ABL1: variants seen among roughly 807,000 people sequenced by gnomAD.
ABL1 encodes the protein tyrosine-protein kinase ABL1.
ABL1 carries 11 observed loss-of-function variants against 94.7 expected under a neutral mutation model. The ratio of observed to expected loss-of-function variants is 0.12; its 90% CI spans 0.07 to 0.19. ABL1 has a LOEUF of 0.19. ABL1 is among the 10% of genes least tolerant of loss of function. The pLI is 1.00. For synonymous variants in ABL1, 656 were observed against 622.4 expected, an observed-to-expected ratio of 1.05 and a Z score of -0.80; for missense variants, 1,082 against 1,489.4, an observed-to-expected ratio of 0.73 and a Z score of 4.50.
At chr9:130,811,386 T>C (rs1781252519) in intron 1 of ABL1, among the ~76,000 whole-genome samples, 1 of 152,230 alleles carries the variant, frequency 6.6e-6, no homozygotes, top group Non-Finnish European at 1.5e-5. Context: ...ATATTTTTTC[T>C]TTTTGTTTCA....
chr9:130,834,025 T>A (rs1197904112), upstream of ABL1: 1 of 456,104 alleles, frequency 2.2e-6, no homozygotes, highest in Non-Finnish European at 4.4e-6. Flanking sequence ...GCCTGATCCT[T>A]GGAGCCAGGC....
intron 1 of ABL1, among the ~76,000 whole-genome samples, chr9:130,845,639 C>T (rs993877970): frequency 2.6e-5 from 4 of 152,058 alleles, no homozygotes; most frequent in African/African-American, 7.2e-5. Context: ...GATCATTGTT[C>T]GCACCACTAC....
intron 1 of ABL1, among the ~76,000 whole-genome samples, chr9:130,722,828 A>G (rs1294780483): frequency 6.6e-6 from 1 of 152,244 alleles, no homozygotes; most frequent in African/African-American, 2.4e-5. Context: ...AGATGATTTG[A>G]CCAAAAGAGT....
At chr9:130,879,895 T>G (rs11793797) in intron 8 of ABL1, among the ~76,000 whole-genome samples, 173 bp from the exon 9 acceptor site, 14,927 of 152,290 alleles carry the variant, frequency 0.098, 983 homozygotes, top group African/African-American at 0.18. Flanking sequence ...CTTTTCAAAT[T>G]CTTAATGTCT....
chr9:130,871,060 C>T (rs112899134), intron 4 of ABL1, among the ~76,000 whole-genome samples: 3 of 152,130 alleles, frequency 2.0e-5, no homozygotes, highest in South Asian at 2.1e-4. Flanking sequence ...CTTTGGGGAG[C>T]CTAATTTTTA....
intron 1 of ABL1, among the ~76,000 whole-genome samples, chr9:130,730,262 G>A (rs763498019): frequency 1.3e-4 from 20 of 151,076 alleles, no homozygotes; most frequent in Admixed American, 1.3e-3. Flanking sequence ...GGCTGGTCTC[G>A]AACGCCCAAC....
At chr9:130,760,635 C>G (rs1313114876) in intron 1 of ABL1, among the ~76,000 whole-genome samples, 1 of 151,176 alleles carries the variant, frequency 6.6e-6, no homozygotes, top group Non-Finnish European at 1.5e-5. Context: ...CTCTTGTAAA[C>G]TTTTTGGGAG....
chr9:130,865,768 A>AG (rs1564316458), intron 4 of ABL1, among the ~76,000 whole-genome samples: 2 of 150,056 alleles, frequency 1.3e-5, no homozygotes, highest in Non-Finnish European at 3.0e-5. Flanking sequence ...AAAAAAAAAA[A>AG]GCTGAAATCC....
At chr9:130,740,292 C>T (rs1411014718) in intron 1 of ABL1, among the ~76,000 whole-genome samples, 4 of 152,224 alleles carry the variant, frequency 2.6e-5, no homozygotes, top group African/African-American at 9.6e-5. Context: ...CACTGATGGA[C>T]CCTCAAGTGG....
chr9:130,826,874 C>T (rs553492074), intron 1 of ABL1, among the ~76,000 whole-genome samples: 3 of 152,044 alleles, frequency 2.0e-5, no homozygotes, highest in African/African-American at 7.2e-5. Context: ...GTCAGGAGAT[C>T]GAGACCATCC....
At chr9:130,746,609 G>A (rs1831891668) in intron 1 of ABL1, among the ~76,000 whole-genome samples, 1 of 151,530 alleles carries the variant, frequency 6.6e-6, no homozygotes, top group Non-Finnish European at 1.5e-5. Context: ...TGTGACAACA[G>A]TTTGTTCCTT....
At chr9:130,772,798 G>A (rs768752306) in intron 1 of ABL1, among the ~76,000 whole-genome samples, 6 of 152,214 alleles carry the variant, frequency 3.9e-5, no homozygotes, top group Admixed American at 2.0e-4. Flanking sequence ...CTTCACTGTC[G>A]AGGATTTTGA....
intron 1 of ABL1, among the ~76,000 whole-genome samples, chr9:130,787,208 A>T (rs1022617364): frequency 6.6e-6 from 1 of 152,164 alleles, no homozygotes; most frequent in Admixed American, 6.5e-5. Context: ...AGCCAGGCTC[A>T]TGGTAAGAGG....
intron 1 of ABL1, among the ~76,000 whole-genome samples, chr9:130,800,958 T>C (rs1262862585): frequency 2.0e-5 from 3 of 151,078 alleles, no homozygotes; most frequent in African/African-American, 7.3e-5. Flanking sequence ...TTTGAGACAG[T>C]CTCTCTGTGT....
intron 1 of ABL1, among the ~76,000 whole-genome samples, chr9:130,749,015 C>G (rs957461148): frequency 3.9e-4 from 60 of 152,296 alleles, no homozygotes; most frequent in African/African-American, 1.4e-3. Flanking sequence ...TATCTTTTTG[C>G]TGCTATTAGG....
At chr9:130,761,237 G>C (rs916733185) in intron 1 of ABL1, among the ~76,000 whole-genome samples, 1 of 152,192 alleles carries the variant, frequency 6.6e-6, no homozygotes, top group Admixed American at 6.5e-5. Flanking sequence ...AAAGTGCTGG[G>C]ATTACAGGCG....
chr9:130,792,400 T>C (rs1225259129), intron 1 of ABL1, among the ~76,000 whole-genome samples: 22 of 152,318 alleles, frequency 1.4e-4, no homozygotes. Context: ...AGGATGACTT[T>C]AATTTCATTC....
chr9:130,853,170 C>CTT (rs11418318), intron 1 of ABL1, among the ~76,000 whole-genome samples: 5,612 of 75,230 alleles, frequency 0.075, 825 homozygotes, highest in African/African-American at 0.11. Flanking sequence ...TTTGACTTTT[C>CTT]TTTTTTTTTT....
intron 1 of ABL1, among the ~76,000 whole-genome samples, chr9:130,765,691 G>A (rs1231912627): frequency 6.6e-6 from 1 of 152,196 alleles, no homozygotes; most frequent in Non-Finnish European, 1.5e-5. Flanking sequence ...GTAACGTAGA[G>A]GCACAATTAG....
Sources: allele counts gnomAD v4.1 joint callset (sites outside exome capture counted in the v4.1 genomes callset), GRCh38; gene constraint gnomAD v4.1.1; transcripts MANE v1.5; gene names NCBI Gene and HGNC (gene_info 2026-07-23, HGNC 2026-07-21).